The following ERC2 variants were observed in gnomAD, a reference collection of about 807,000 sequenced individuals.
ERC2 encodes ELKS/RAB6-interacting/CAST family member 2.
Under a neutral mutation model 114.8 loss-of-function variants are expected in ERC2, and 42 were observed. That is an observed-to-expected ratio of 0.37 (90% CI 0.29 to 0.47). The LOEUF is 0.47. Among genes scored for constraint, ERC2 ranks in the 20% least tolerant of loss-of-function variants. The pLI is 0.99. For synonymous variants in ERC2, 454 were observed against 425.5 expected (o/e 1.07, Z -0.82); for missense variants, 939 against 1,150.7 (o/e 0.82, Z 2.66).
intron 17 of ERC2, among the ~76,000 whole-genome samples, chr3:55,522,636 T>C (rs1359534846): frequency 6.6e-6 from 1 of 152,162 alleles, no homozygotes; most frequent in African/African-American, 2.4e-5. Context: ...GCAGACATAC[T>C]CTCTGGTTTG....
intron 17 of ERC2, among the ~76,000 whole-genome samples, chr3:55,635,849 A>T (rs933062323): frequency 2.0e-5 from 3 of 148,982 alleles, no homozygotes; most frequent in South Asian, 2.1e-4. Context: ...GAGATTTTTT[A>T]ATTTTTATTT....
chr3:56,029,849 T>C (rs1323502149), intron 7 of ERC2, among the ~76,000 whole-genome samples: 1 of 152,154 alleles, frequency 6.6e-6, no homozygotes, highest in East Asian at 1.9e-4. Context: ...TATTATTTCC[T>C]TCCCTCTACT....
In ERC2 at chr3:55,771,754, G is replaced by A. The variant is rs1411326288; in HGVS notation, c.2565-36836C>T. 5.3e-5 allele frequency among the ~76,000 whole-genome samples: 8 copies of A among 152,186 alleles called. 1 individual carries two copies. Among genetic ancestry groups the A allele is most frequent in the African/African-American group, 1.9e-4 (8 of 41,448 alleles). ...ATAATTAACCCTGCACACCTGATGA[G>A]ACTGTGCCTTCTTCAGTACCCACTC... On this transcript the variant is annotated intron_variant, in intron 14 of 17. Coordinates refer to ENST00000288221, the MANE Select transcript of ERC2 (RefSeq NM_015576.3).
chr3:56,033,673 T>C (rs1408299089), intron 7 of ERC2, among the ~76,000 whole-genome samples: 1 of 152,242 alleles, frequency 6.6e-6, no homozygotes, highest in African/African-American at 2.4e-5. Flanking sequence ...CAGGTTTTTT[T>C]CTTCTTTCAG....
intron 2 of ERC2, among the ~76,000 whole-genome samples, chr3:56,348,894 AGG>A (rs1491172559): frequency 0.29 from 16,819 of 57,356 alleles, 1,614 homozygotes; most frequent in Non-Finnish European, 0.4. Flanking sequence ...GAAGGAAGGA[AGG>A]AAGGAAGGAA....
chr3:55,604,234 A>G (rs530524692), intron 17 of ERC2, among the ~76,000 whole-genome samples: 1 of 152,294 alleles, frequency 6.6e-6, no homozygotes, highest in Non-Finnish European at 1.5e-5. Flanking sequence ...AGGGATGAAG[A>G]AAACAACCGA....
intron 2 of ERC2, among the ~76,000 whole-genome samples, chr3:56,418,192 G>A (rs1266662116): frequency 2.0e-5 from 3 of 151,910 alleles, no homozygotes; most frequent in Admixed American, 6.6e-5. Context: ...TGGCTACTCA[G>A]GAGGATGAGG....
At chr3:56,166,311 G>A (rs919912913) in intron 4 of ERC2, among the ~76,000 whole-genome samples, 3 of 151,940 alleles carry the variant, frequency 2.0e-5, no homozygotes, top group African/African-American at 7.2e-5. Flanking sequence ...GTTTACTCAG[G>A]AGATTGCTTG....
At chr3:56,422,048 AC>A (rs1294143948) in intron 2 of ERC2, among the ~76,000 whole-genome samples, 2 of 152,202 alleles carry the variant, frequency 1.3e-5, no homozygotes, top group Non-Finnish European at 2.9e-5. Flanking sequence ...AAGATGTGGA[AC>A]AAAAGACAAA....
chr3:55,556,461 A>G (rs2055615182), intron 17 of ERC2, among the ~76,000 whole-genome samples: 1 of 152,040 alleles, frequency 6.6e-6, no homozygotes, highest in African/African-American at 2.4e-5. Context: ...AGAAGCTCCC[A>G]CCACCCCCAT....
intron 17 of ERC2, among the ~76,000 whole-genome samples, chr3:55,528,790 T>G (rs2053493445): frequency 6.6e-6 from 1 of 151,562 alleles, no homozygotes; most frequent in Admixed American, 6.6e-5. Flanking sequence ...ACAGGATGTT[T>G]AGCAACATCC....
intron 12 of ERC2, among the ~76,000 whole-genome samples, chr3:55,964,011 T>C (rs948835971): frequency 6.6e-6 from 1 of 152,240 alleles, no homozygotes; most frequent in African/African-American, 2.4e-5. Flanking sequence ...AAAAATCTTA[T>C]ATGATGATTT....
intron 7 of ERC2, among the ~76,000 whole-genome samples, chr3:56,047,528 T>C (rs1275377826): frequency 6.6e-6 from 1 of 152,168 alleles, no homozygotes; most frequent in African/African-American, 2.4e-5. Flanking sequence ...ATGAACCAAC[T>C]GTGAAACCAA....
chr3:55,622,182 C>T (rs370622862), intron 17 of ERC2, among the ~76,000 whole-genome samples: 243 of 152,258 alleles, frequency 1.6e-3, no homozygotes, highest in African/African-American at 5.3e-3. Flanking sequence ...GCTTTGCTTT[C>T]GATGACCAAA....
intron 3 of ERC2, among the ~76,000 whole-genome samples, chr3:56,212,101 TA>T (rs2049101398): frequency 6.6e-6 from 1 of 152,088 alleles, no homozygotes. Context: ...AGATGGGACT[TA>T]ATTAAACTAA....
At chr3:55,751,612 G>T (rs1559597559) in intron 14 of ERC2, among the ~76,000 whole-genome samples, 1 of 152,238 alleles carries the variant, frequency 6.6e-6, no homozygotes, top group Admixed American at 6.5e-5. Flanking sequence ...GAGTAACATA[G>T]ATGAGGCTTG....
At chr3:56,365,391 C>T (rs1157878006) in intron 2 of ERC2, among the ~76,000 whole-genome samples, 1 of 152,174 alleles carries the variant, frequency 6.6e-6, no homozygotes, top group Non-Finnish European at 1.5e-5. Flanking sequence ...TCTCATATAG[C>T]CTAGGTGTGT....
intron 3 of ERC2, among the ~76,000 whole-genome samples, chr3:56,268,494 T>C (rs976482499): frequency 6.6e-6 from 1 of 152,068 alleles, no homozygotes; most frequent in Non-Finnish European, 1.5e-5. Flanking sequence ...TATAAGAGAA[T>C]TCTAAAATTC....
intron 17 of ERC2, among the ~76,000 whole-genome samples, chr3:55,588,534 G>C (rs543180035): frequency 2.6e-5 from 4 of 152,170 alleles, no homozygotes; most frequent in African/African-American, 9.7e-5. Context: ...TCGGCCTGAT[G>C]AATCAATTCC....
Sources: gnomAD v4.1 joint callset for allele counts (sites outside exome capture counted in the v4.1 genomes callset) on GRCh38, gnomAD v4.1.1 for gene constraint, MANE v1.5 for transcripts, NCBI Gene and HGNC (gene_info 2026-07-23, HGNC 2026-07-21) for gene names.